The following ITPR2 variants were observed in gnomAD, a reference collection of about 807,000 sequenced individuals.
The protein encoded by ITPR2 is inositol 1,4,5-trisphosphate receptor type 2, also known as inositol 1,4,5-trisphosphate-gated calcium channel ITPR2.
A neutral mutation model predicts 317.1 loss-of-function variants in ITPR2; 207 were observed. The ratio of observed to expected loss-of-function variants is 0.65; its 90% CI spans 0.58 to 0.73. ITPR2 has a LOEUF of 0.73. Ranked by LOEUF, ITPR2 falls within the 30% of genes least tolerant of loss-of-function variation. The pLI, the probability that ITPR2 is intolerant of heterozygous loss-of-function variation, is 0.00. For synonymous variants in ITPR2, 1,156 were observed against 1,149.1 expected, an observed-to-expected ratio of 1.01 and a Z score of -0.12; for missense variants, 2,613 against 3,284.0, an observed-to-expected ratio of 0.80 and a Z score of 4.99.
chr12:26,615,865 T>C (rs1170762604), intron 26 of ITPR2, among the ~76,000 whole-genome samples: 1 of 152,012 alleles, frequency 6.6e-6, no homozygotes, highest in African/African-American at 2.4e-5. Flanking sequence ...AAAATAAAAA[T>C]ATTATTAAAT....
intron 28 of ITPR2, among the ~76,000 whole-genome samples, chr12:26,600,703 T>C (rs528255558): frequency 7.0e-6 from 1 of 143,274 alleles, no homozygotes; most frequent in African/African-American, 2.6e-5. Context: ...CTCTCTTCTT[T>C]TCCTCTTTTC....
intron 45 of ITPR2, among the ~76,000 whole-genome samples, chr12:26,456,356 C>T (rs765859215): frequency 5.3e-5 from 8 of 152,232 alleles, no homozygotes; most frequent in Non-Finnish European, 1.2e-4. Flanking sequence ...ACAGTTTACA[C>T]ATGCCAGGGC....
chr12:26,608,554 C>T (rs1414510935), intron 26 of ITPR2, among the ~76,000 whole-genome samples: 1 of 151,788 alleles, frequency 6.6e-6, no homozygotes, highest in Non-Finnish European at 1.5e-5. Flanking sequence ...AGAGGAGCGC[C>T]TCTGCCTGGC....
At chr12:26,469,540 CTG>C (rs1942250799) in intron 45 of ITPR2, among the ~76,000 whole-genome samples, 1 of 152,152 alleles carries the variant, frequency 6.6e-6, no homozygotes, top group South Asian at 2.1e-4. Flanking sequence ...CCTCTAGTAA[CTG>C]TCTTTCACCA....
chr12:26,629,451 G>A (rs1946696024), intron 22 of ITPR2, among the ~76,000 whole-genome samples: 2 of 152,200 alleles, frequency 1.3e-5, no homozygotes, highest in South Asian at 4.2e-4. Flanking sequence ...GCCAGGCATG[G>A]TGGTGCGTGC....
rs1939700493 is a variant in ITPR2 at position 26,387,515 on chromosome 12, A to G, written c.7776T>C (p.Tyr2592=). The change falls in exon 55 of 57, where the codon TAT becomes TAC. Residue 2592 remains tyrosine, a synonymous_variant. Transcript: ENST00000381340. ...CTTTCACCAGGACTATGAAGTACAA[A>G]TAATGCCACATATTGTGTTCTGACT... The part of the protein sequence containing the change: ...HIKSEHNMWH[Y]LYFIVLVKVK... The G allele has an allele frequency of 6.2e-7, 1 of 1,613,728 alleles. No homozygotes were observed. Among genetic ancestry groups the G allele is most frequent in the African/African-American group, 1.3e-5 (1 of 74,920 alleles).
intron 2 of ITPR2, among the ~76,000 whole-genome samples, chr12:26,760,386 C>T (rs1949609469): frequency 6.6e-6 from 1 of 152,178 alleles, no homozygotes; most frequent in Non-Finnish European, 1.5e-5. Flanking sequence ...AAGATGTCTA[C>T]ATCACCATCA....
chr12:26,478,388 G>C (rs922611286), intron 43 of ITPR2, among the ~76,000 whole-genome samples: 1 of 151,918 alleles, frequency 6.6e-6, no homozygotes, highest in African/African-American at 2.4e-5. Flanking sequence ...ATACCTAAAA[G>C]AGTAAGGTTC....
chr12:26,783,111 A>T (rs904205821), intron 2 of ITPR2, among the ~76,000 whole-genome samples: 2 of 152,096 alleles, frequency 1.3e-5, no homozygotes, highest in Admixed American at 6.5e-5. Context: ...TAAAGAAGAG[A>T]TTTTCTCCAT....
chr12:26,587,280 AATAT>A (rs10554886), intron 32 of ITPR2, among the ~76,000 whole-genome samples: 44,420 of 147,400 alleles, frequency 0.3, 6,995 homozygotes, highest in Non-Finnish European at 0.34. Flanking sequence ...AATACAAATA[AATAT>A]ATATATATAT....
At chr12:26,662,628 T>C (rs1947528345) in intron 15 of ITPR2, among the ~76,000 whole-genome samples, 1 of 152,228 alleles carries the variant, frequency 6.6e-6, no homozygotes, top group African/African-American at 2.4e-5. Context: ...AATTGTATGT[T>C]AGACATTTAC....
chr12:26,483,911 G>A lies in ITPR2; in HGVS notation c.5812-13C>T. 6.2e-7 allele frequency: 1 copy of A among 1,610,462 alleles called. No homozygotes were observed. Among genetic ancestry groups the A allele is most frequent in the Non-Finnish European group, 8.5e-7 (1 of 1,176,950 alleles). ...TCCTCAAGAAGTTCTGAAGGCAAAA[G>A]AAAATAAAATTGAAGGGTTACAAAA... On this transcript the variant is annotated splice_polypyrimidine_tract_variant and intron_variant, in intron 41 of 56. Transcript: ENST00000381340.
intron 34 of ITPR2, among the ~76,000 whole-genome samples, chr12:26,568,191 CTTTAAAGT>C (rs947008445): frequency 6.6e-6 from 1 of 150,918 alleles, no homozygotes; most frequent in Non-Finnish European, 1.5e-5. Context: ...CAAAGGGTCA[CTTTAAAGT>C]TTAAAATATT....
rs1944827140 is a variant in ITPR2, at chr12:26,561,800, G to A, written c.4783C>T (p.Pro1595Ser). 2 of 1,586,370 alleles carry A rather than the reference G, an allele frequency of 1.3e-6. No homozygotes were observed. Residue 1595 changes from proline (P) to serine (S), a missense_variant, in exon 35 of 57, where the codon CCT (proline) becomes TCT (serine). Around this residue, in one of 9 missense-constraint regions of ITPR2, gnomAD observed 926 missense variants for 1,072.8 expected, o/e 0.86. Coordinates refer to ENST00000381340, the MANE Select transcript of ITPR2 (RefSeq NM_002223.4). ...ATAATATTTCTGTAATCCCAAGCAG[G>A]CCCTCCAAGAGCTTCCTTAAAGCGT... ...GPRFKEALGG[P>S]AWDYRNIIEK...
chr12:26,682,127 A>T lies in ITPR2; in HGVS notation c.1249-93T>A, dbSNP rs1948045243. 16 of 1,024,080 alleles carry T rather than the reference A, an allele frequency of 1.6e-5. No individual in the cohort carries two copies. In the Admixed American group the frequency reaches 3.3e-4, roughly 21 times the overall value. The allele number at this position is 1,024,080 out of a possible 1,614,324, so 63.4% of individuals were successfully genotyped here. A position where few individuals can be genotyped will look rare whatever the true frequency, so the allele number is the denominator to read the frequency against. The stretch of plus-strand genomic sequence containing the variant: ...TCTAGTACTGTTTAAGAAATATAAG[A>T]CAAGAATAGATCATCCGAACACAGT... On this transcript the variant is annotated intron_variant, in intron 12 of 56. Transcript: ENST00000381340.
At chr12:26,345,285 C>T (rs1303325083) in intron 55 of ITPR2, among the ~76,000 whole-genome samples, 1 of 151,968 alleles carries the variant, frequency 6.6e-6, no homozygotes, top group Non-Finnish European at 1.5e-5. Flanking sequence ...GCAGAAAGTA[C>T]AGTAGTCCCC....
intron 1 of ITPR2, among the ~76,000 whole-genome samples, chr12:26,828,867 C>G (rs542059634): frequency 6.6e-6 from 1 of 152,130 alleles, no homozygotes; most frequent in Non-Finnish European, 1.5e-5. Flanking sequence ...GCTGGAGGTA[C>G]AGAGTAGAGG....
At chr12:26,766,482 C>T (rs545926117) in intron 2 of ITPR2, among the ~76,000 whole-genome samples, 5 of 152,040 alleles carry the variant, frequency 3.3e-5, no homozygotes, top group African/African-American at 7.2e-5. Flanking sequence ...TTTTTATTAT[C>T]GATTTATAAG....
intron 55 of ITPR2, among the ~76,000 whole-genome samples, chr12:26,382,677 A>AC (rs35671845): frequency 0.08 from 12,116 of 151,326 alleles, 602 homozygotes; most frequent in South Asian, 0.13. Flanking sequence ...ACACACACAC[A>AC]AAAAAAAAGA....
Sources: allele counts gnomAD v4.1 joint callset (sites outside exome capture counted in the v4.1 genomes callset), GRCh38; gene constraint gnomAD v4.1.1; regional missense constraint gnomAD v4.1.1; transcripts MANE v1.5; gene names NCBI Gene and HGNC (gene_info 2026-07-23, HGNC 2026-07-21).